Variants in NGLY1 observed in about 807,000 individuals in gnomAD.
The protein encoded by NGLY1 is N-glycanase 1.
In NGLY1, 68 loss-of-function variants were observed where a neutral mutation model predicts 84.6. That is an observed-to-expected ratio of 0.80 (90% CI 0.66 to 0.98). NGLY1 has a LOEUF of 0.98. Among genes scored for constraint, NGLY1 ranks in the 50% least tolerant of loss-of-function variants. The pLI is 0.00. For synonymous variants in NGLY1, 280 were observed against 275.2 expected, an observed-to-expected ratio of 1.02 and a Z score of -0.17; for missense variants, 779 against 770.2, an observed-to-expected ratio of 1.01 and a Z score of -0.14.
chr3:25,767,779 A>T (rs1707661935), intron 2 of NGLY1, among the ~76,000 whole-genome samples: 1 of 152,208 alleles, frequency 6.6e-6, no homozygotes, highest in Non-Finnish European at 1.5e-5. Context: ...GAATGAAACC[A>T]GATCCCATCT....
chr3:25,768,240 T>TG (rs1221626472), intron 2 of NGLY1, among the ~76,000 whole-genome samples: 1 of 149,650 alleles, frequency 6.7e-6, no homozygotes, highest in Non-Finnish European at 1.5e-5. Context: ...CTGGCCAACA[T>TG]GGTGAAACCC....
chr3:25,751,785 T>G lies in NGLY1; in HGVS notation c.493-522A>C, dbSNP rs17016975. ...GCCATAGGATCTACAGAATAGGAAG[T>G]GTCCTCAGGGCAAGCATTAGGAAGA... On this transcript the variant is annotated intron_variant, in intron 3 of 11. Coordinates refer to ENST00000280700, the MANE Select transcript of NGLY1 (RefSeq NM_018297.4). Among the ~76,000 whole-genome samples the G allele has an allele frequency of 3.4e-3, 514 of 152,310 alleles. 2 individuals are homozygous for G. Among genetic ancestry groups the G allele is most frequent in the African/African-American group, 0.011 (472 of 41,570 alleles).
intron 3 of NGLY1, chr3:25,754,788 CTT>C (rs5847371): frequency 0.012 from 3,176 of 272,926 alleles, 22 homozygotes; most frequent in South Asian, 0.021. Flanking sequence ...ATGACTCGTG[CTT>C]TTTTTTTTTT....
At chr3:25,773,097 C>T (rs1707977396) in intron 2 of NGLY1, among the ~76,000 whole-genome samples, 1 of 152,120 alleles carries the variant, frequency 6.6e-6, no homozygotes, top group Admixed American at 6.5e-5. Flanking sequence ...AACCTGAGGA[C>T]TATGTGCCTA....
chr3:25,768,591 TCTCA>T (rs1707734174), intron 2 of NGLY1, among the ~76,000 whole-genome samples: 1 of 145,360 alleles, frequency 6.9e-6, no homozygotes, highest in Admixed American at 7.1e-5. Context: ...TTTAGCGGAG[TCTCA>T]CTGTGTCGCC....
At chr3:25,789,708 G>A in intron 1 of NGLY1, 3 of 920,886 alleles carry the variant, frequency 3.3e-6, no homozygotes, top group Non-Finnish European at 5.0e-6. Context: ...AACGTTGCGA[G>A]CTATAGCAAT....
At chr3:25,761,006 G>A (rs190809864) in intron 3 of NGLY1, among the ~76,000 whole-genome samples, 6 of 149,992 alleles carry the variant, frequency 4.0e-5, no homozygotes, top group East Asian at 1.9e-4. Context: ...TAACTAGTTC[G>A]TTTTATTATT....
At chr3:25,769,150 G>C (rs1707771221) in intron 2 of NGLY1, among the ~76,000 whole-genome samples, 2 of 151,996 alleles carry the variant, frequency 1.3e-5, no homozygotes, top group African/African-American at 4.8e-5. Context: ...CTTGAGGTCA[G>C]GAGTTCGAGA....
At chr3:25,724,901 G>A (rs1334334244) in intron 10 of NGLY1, among the ~76,000 whole-genome samples, 1 of 152,144 alleles carries the variant, frequency 6.6e-6, no homozygotes, top group African/African-American at 2.4e-5. Flanking sequence ...TTTCATTCAT[G>A]GTTCCTGGCT....
chr3:25,762,997 T>G (rs994223044), intron 3 of NGLY1, among the ~76,000 whole-genome samples: 8 of 151,992 alleles, frequency 5.3e-5, no homozygotes, highest in African/African-American at 1.9e-4. Context: ...AGATGGTGCA[T>G]GCCTTTATTT....
chr3:25,768,702 C>T (rs893207212), intron 2 of NGLY1, among the ~76,000 whole-genome samples: 12 of 151,538 alleles, frequency 7.9e-5, no homozygotes, highest in African/African-American at 1.5e-4. Flanking sequence ...CCCGCCACCA[C>T]GCCCGGCTAA....
chr3:25,728,836 T>C lies in NGLY1; in HGVS notation c.1611+297A>G, dbSNP rs116184031. On this transcript the variant is annotated intron_variant, in intron 10 of 11. Transcript: ENST00000280700. The stretch of plus-strand genomic sequence containing the variant: ...GTATCAAATAGAATATATATGTATA[T>C]ATGTTCATGCAAAAATCAGTCATAT... Among the ~76,000 whole-genome samples the C allele has an allele frequency of 4.3e-3, 660 of 152,244 alleles. 4 individuals carry two copies. The highest frequency in any genetic ancestry group is 0.015 in the African/African-American group (613 of 41,562).
At chr3:25,757,675 G>C (rs1250255681) in intron 3 of NGLY1, among the ~76,000 whole-genome samples, 1 of 152,210 alleles carries the variant, frequency 6.6e-6, no homozygotes, top group African/African-American at 2.4e-5. Flanking sequence ...GCAAGAGACT[G>C]AGTCATACAA....
chr3:25,772,974 G>C (rs1575660407), intron 2 of NGLY1, among the ~76,000 whole-genome samples: 1 of 152,208 alleles, frequency 6.6e-6, no homozygotes, highest in African/African-American at 2.4e-5. Context: ...CTTCTAGCTT[G>C]TAGGGCTTCT....
At position 25,783,266 on chromosome 3, in the gene NGLY1, A is replaced by G. The variant is rs1469535992; in HGVS notation, c.125T>C (p.Ile42Thr). The G allele has an allele frequency of 1.3e-6, 2 of 1,592,634 alleles. No homozygotes were observed. Among genetic ancestry groups the G allele is most frequent in the Non-Finnish European group, 1.7e-6 (2 of 1,165,334 alleles). The change falls in exon 1 of 12, where the codon ATC becomes ACC. Residue 42 changes from isoleucine to threonine, a missense_variant. Coordinates refer to ENST00000280700, the MANE Select transcript of NGLY1 (RefSeq NM_018297.4). The surrounding 1 kb of genome is among the most constrained non-coding windows in gnomAD (Gnocchi z 4.5). ...CGACCCCGTTGCCCTGCACCTGAGG[A>G]TGTTGTCAGCATAGGTGAGCAGCAG... Reference protein sequence around the residue: ...SKLLLTYADNILRNPNDEKYR... With the variant: ...SKLLLTYADNTLRNPNDEKYR...
At chr3:25,721,820 A>G (rs1015553395) in intron 10 of NGLY1, among the ~76,000 whole-genome samples, 1 of 151,454 alleles carries the variant, frequency 6.6e-6, no homozygotes, top group African/African-American at 2.4e-5. Flanking sequence ...TGAATTGCCA[A>G]TGCTCCTTTT....
intron 2 of NGLY1, among the ~76,000 whole-genome samples, chr3:25,768,222 A>C (rs1266057031): frequency 1.3e-5 from 2 of 151,378 alleles, no homozygotes; most frequent in Non-Finnish European, 2.9e-5. Flanking sequence ...CAGGAGTTCA[A>C]TACCAGCCTG....
At chr3:25,748,679 C>T (rs1454889567) in intron 4 of NGLY1, among the ~76,000 whole-genome samples, 1 of 152,084 alleles carries the variant, frequency 6.6e-6, no homozygotes, top group Non-Finnish European at 1.5e-5. Context: ...CAGTTGACTC[C>T]AAAACCTACT....
At chr3:25,748,021 C>T (rs183942604) in intron 4 of NGLY1, among the ~76,000 whole-genome samples, 8 of 152,150 alleles carry the variant, frequency 5.3e-5, no homozygotes, top group African/African-American at 1.7e-4. Context: ...GTGAGGTATA[C>T]CCAGAGTGTT....
Sources: allele counts gnomAD v4.1 joint callset (sites outside exome capture counted in the v4.1 genomes callset), GRCh38; gene constraint gnomAD v4.1.1; non-coding constraint Gnocchi (gnomAD v3.1); transcripts MANE v1.5; gene names NCBI Gene and HGNC (gene_info 2026-07-23, HGNC 2026-07-21).